PBX1: variants seen among roughly 807,000 people sequenced by gnomAD.
The protein encoded by PBX1 is pre-B-cell leukemia transcription factor 1.
A neutral mutation model predicts 53.4 loss-of-function variants in PBX1; 6 were observed. That is an observed-to-expected ratio of 0.11 (90% CI 0.06 to 0.22). The LOEUF (loss-of-function observed/expected upper bound fraction) is 0.22. PBX1 is among the 10% of genes least tolerant of loss of function. The probability of loss-of-function intolerance (pLI) is 1.00; values close to 1 mark genes in which losing one functional copy is unlikely to be tolerated. For synonymous variants in PBX1, 204 were observed against 212.3 expected, an observed-to-expected ratio of 0.96 and a Z score of 0.34; for missense variants, 251 against 551.4, an observed-to-expected ratio of 0.46 and a Z score of 5.46.
chr1:164,585,097 T>C (rs1324966175), intron 2 of PBX1, among the ~76,000 whole-genome samples: 1 of 151,952 alleles, frequency 6.6e-6, no homozygotes, highest in Non-Finnish European at 1.5e-5. Flanking sequence ...ATGAAAGAGG[T>C]TGTAGAACTG....
intron 2 of PBX1, among the ~76,000 whole-genome samples, chr1:164,665,157 G>A (rs1660734277): frequency 6.6e-6 from 1 of 152,166 alleles, no homozygotes; most frequent in South Asian, 2.1e-4. Flanking sequence ...CAACATAGCT[G>A]TATCGGTCAG....
At chr1:164,606,159 A>G (rs1232566155) in intron 2 of PBX1, among the ~76,000 whole-genome samples, 1 of 152,160 alleles carries the variant, frequency 6.6e-6, no homozygotes, top group Non-Finnish European at 1.5e-5. Flanking sequence ...GTGTATATTT[A>G]AAATAACTCT....
intron 2 of PBX1, among the ~76,000 whole-genome samples, chr1:164,654,193 C>T (rs997880099): frequency 6.6e-5 from 10 of 152,134 alleles, no homozygotes; most frequent in Non-Finnish European, 1.2e-4. Context: ...TTTGTCACTC[C>T]ACTAAGATTT....
At chr1:164,764,808 A>G (rs1399788865) in intron 2 of PBX1, among the ~76,000 whole-genome samples, 1 of 152,184 alleles carries the variant, frequency 6.6e-6, no homozygotes, top group Non-Finnish European at 1.5e-5. Flanking sequence ...ACAACCCTAT[A>G]GGAAATGTAG....
intron 2 of PBX1, among the ~76,000 whole-genome samples, chr1:164,602,855 G>A (rs778194742): frequency 6.6e-6 from 1 of 152,170 alleles, no homozygotes; most frequent in African/African-American, 2.4e-5. Context: ...CCGTTAAACG[G>A]TTGTAAATTA....
At chr1:164,640,484 G>A (rs1250273966) in intron 2 of PBX1, among the ~76,000 whole-genome samples, 2 of 151,630 alleles carry the variant, frequency 1.3e-5, no homozygotes, top group Non-Finnish European at 1.5e-5. Context: ...GGGAAACGAT[G>A]TGATGACACT....
chr1:164,847,808 G>T lies in PBX1; in HGVS notation c.*1132G>T. ...TATGTGTCTGGGGCTTCCAGGACCT[G>T]CAGGCCCACTAGCGTGCACTTACCA... On this transcript the variant is annotated 3_prime_UTR_variant, in exon 9 of 9. Transcript: ENST00000420696. The T allele has an allele frequency of 9.5e-7, 1 of 1,054,188 alleles. No individual in the cohort carries two copies. Among genetic ancestry groups the T allele is most frequent in the Non-Finnish European group, 1.1e-6 (1 of 872,334 alleles). 65.3% of individuals were successfully genotyped at this position (1,054,188 alleles called of 1,614,324 possible).
intron 2 of PBX1, among the ~76,000 whole-genome samples, chr1:164,726,281 T>C (rs1180590533): frequency 6.6e-6 from 1 of 152,192 alleles, no homozygotes; most frequent in East Asian, 1.9e-4. Context: ...ACAGAGACTA[T>C]GGTCTTTCCC....
At chr1:164,808,194 CATTGGA>C (rs2102337709) in intron 5 of PBX1, among the ~76,000 whole-genome samples, 1 of 152,294 alleles carries the variant, frequency 6.6e-6, no homozygotes, top group Admixed American at 6.5e-5. Context: ...ACTGCGATTA[CATTGGA>C]ATGGTGAACA....
At chr1:164,687,918 A>G (rs968117844) in intron 2 of PBX1, among the ~76,000 whole-genome samples, 3 of 152,202 alleles carry the variant, frequency 2.0e-5, no homozygotes, top group African/African-American at 7.2e-5. Context: ...TCATGTTTTC[A>G]GATCTTGCTA....
At chr1:164,860,825 C>T (rs370203169) in intron 2 of PBX1, among the ~76,000 whole-genome samples, 6 of 151,994 alleles carry the variant, frequency 3.9e-5, no homozygotes, top group African/African-American at 1.2e-4. Context: ...CAAAGCACCT[C>T]GTGACACACT....
intron 5 of PBX1, among the ~76,000 whole-genome samples, chr1:164,810,581 G>GA (rs944045269): frequency 3.9e-4 from 59 of 151,542 alleles, no homozygotes; most frequent in African/African-American, 1.1e-3. Context: ...AGTTATCTGA[G>GA]AAAAAAAATC....
Position 164,850,953 on chromosome 1 carries a change from G to A in PBX1, c.*4277G>A, listed in dbSNP as rs376221491. 2.4e-4 allele frequency: 51 copies of A among 214,802 alleles called. 1 individual carries two copies. The highest frequency in any genetic ancestry group is 1.5e-3 in the Middle Eastern group (1 of 686). 13.3% of individuals were successfully genotyped at this position (214,802 alleles called of 1,614,324 possible). On this transcript the variant is annotated 3_prime_UTR_variant, in exon 9 of 9. Coordinates refer to ENST00000420696, the MANE Select transcript of PBX1 (RefSeq NM_002585.4). ...AGGCCTTTTCTTCCAGGAGAGTCCCGCAGGAGATGCTGGTATGATGGGCAC... is the reference window on the plus strand; with the variant it reads ...AGGCCTTTTCTTCCAGGAGAGTCCCACAGGAGATGCTGGTATGATGGGCAC...
Position 164,844,095 on chromosome 1 carries a change from T to TTTTC in PBX1, c.1201-2469_1201-2466dup, listed in dbSNP as rs201446962. 4.0e-3 allele frequency among the ~76,000 whole-genome samples: 571 copies of TTTTC among 143,720 alleles called. 8 individuals are homozygous for TTTTC. Among genetic ancestry groups the TTTTC allele is most frequent in the Middle Eastern group, 0.018 (5 of 274 alleles). The allele number at this position is 143,720 out of a possible 152,430, so 94.3% of individuals were successfully genotyped here. On this transcript the variant is annotated intron_variant, in intron 8 of 8. Transcript: ENST00000420696. ...AGGGTGATTCTAAGATACATGCCTTTTTTCTTTCTTTCTTTCTTTCTTTTT... is the reference window on the plus strand; with the variant it reads ...AGGGTGATTCTAAGATACATGCCTTTTTTCTTTCTTTCTTTCTTTCTTTCTTTTT...
chr1:164,841,396 T>C lies in PBX1; in HGVS notation c.1201-5188T>C, dbSNP rs539905609. On this transcript the variant is annotated intron_variant, in intron 8 of 8. Transcript: ENST00000420696. Reference sequence around the variant, plus strand: ...AAGATCAAGGCTGCGGCAGAGCTGCTGAGGACATTGAACCTCATCTTGAGG... The same window carrying C: ...AAGATCAAGGCTGCGGCAGAGCTGCCGAGGACATTGAACCTCATCTTGAGG... Among the ~76,000 whole-genome samples, 3 of 152,286 alleles carry C rather than the reference T, an allele frequency of 2.0e-5. No individual in the cohort carries two copies. In the South Asian group the frequency reaches 6.2e-4, roughly 32 times the overall value.
At chr1:164,828,284 G>A (rs1228852466) in intron 8 of PBX1, among the ~76,000 whole-genome samples, 1 of 152,116 alleles carries the variant, frequency 6.6e-6, no homozygotes, top group African/African-American at 2.4e-5. Flanking sequence ...GTGTGTGTGT[G>A]TGTGTACATG....
chr1:164,876,890 A>G (rs1439694457), intron 2 of PBX1, among the ~76,000 whole-genome samples: 1 of 152,126 alleles, frequency 6.6e-6, no homozygotes, highest in Non-Finnish European at 1.5e-5. Context: ...GCTACACCCA[A>G]TAACTGCTCC....
At position 164,851,727 on chromosome 1, in the gene PBX1, T is replaced by C; in HGVS notation, c.*5051T>C. The C allele has an allele frequency of 5.5e-6, 1 of 180,526 alleles. No homozygotes were observed. The highest frequency in any genetic ancestry group is 1.2e-5 in the Non-Finnish European group (1 of 84,368). The allele number at this position is 180,526 out of a possible 1,614,324, so 11.2% of individuals were successfully genotyped here. A position where few individuals can be genotyped will look rare whatever the true frequency, so the allele number is the denominator to read the frequency against. On this transcript the variant is annotated 3_prime_UTR_variant, in exon 9 of 9. Coordinates refer to ENST00000420696, the MANE Select transcript of PBX1 (RefSeq NM_002585.4). ...GTCCCTTTTGATTCCAACTGAACTT[T>C]TGTGTTCTCTAATGATACTAACACG...
chr1:164,877,434 G>A (rs962772028), intron 2 of PBX1, among the ~76,000 whole-genome samples: 2 of 152,058 alleles, frequency 1.3e-5, no homozygotes, highest in Non-Finnish European at 2.9e-5. Flanking sequence ...AGGCAGAGGC[G>A]GACCGATCAC....
Sources: allele counts gnomAD v4.1 joint callset (sites outside exome capture counted in the v4.1 genomes callset), GRCh38; gene constraint gnomAD v4.1.1; transcripts MANE v1.5; gene names NCBI Gene and HGNC (gene_info 2026-07-23, HGNC 2026-07-21).